CDK8: variants seen among roughly 807,000 people sequenced by gnomAD.
The protein encoded by CDK8 is cyclin dependent kinase 8, also known as cyclin-dependent kinase 8.
Under a neutral mutation model 71.5 loss-of-function variants are expected in CDK8, and 29 were observed. The observed-to-expected ratio is 0.41, with a 90% CI of 0.30 to 0.55. The LOEUF (loss-of-function observed/expected upper bound fraction) is 0.55. Ranked by LOEUF, CDK8 falls within the 20% of genes least tolerant of loss-of-function variation. CDK8 has a pLI of 0.37. For missense variants in CDK8, 288 were observed against 572.6 expected (o/e 0.50, Z 5.07); for synonymous variants, 161 against 192.1 (o/e 0.84, Z 1.34).
At chr13:26,385,471 A>G in intron 6 of CDK8, 129 bp downstream of exon 6, 1 of 701,102 alleles carries the variant, frequency 1.4e-6, no homozygotes, top group Non-Finnish European at 2.2e-6. Context: ...GTGATGGCTC[A>G]TGCCTGTAAT....
intron 1 of CDK8, among the ~76,000 whole-genome samples, chr13:26,318,264 A>G (rs943010617): frequency 5.9e-5 from 9 of 152,160 alleles, no homozygotes; most frequent in East Asian, 1.9e-4. Flanking sequence ...CTGACTAGAC[A>G]TACAACTAAG....
intron 2 of CDK8, among the ~76,000 whole-genome samples, chr13:26,347,315 A>G (rs997174906): frequency 6.6e-6 from 1 of 152,184 alleles, no homozygotes; most frequent in Admixed American, 6.5e-5. Context: ...TATGTAATTT[A>G]AATGCCTGAA....
chr13:26,368,484 CACT>C (rs1467817367), intron 4 of CDK8, among the ~76,000 whole-genome samples: 2 of 152,094 alleles, frequency 1.3e-5, no homozygotes, highest in Non-Finnish European at 2.9e-5. Context: ...TTTTATGTAC[CACT>C]AAGAAAGAAA....
intron 2 of CDK8, among the ~76,000 whole-genome samples, chr13:26,338,868 C>T (rs1873103172): frequency 6.6e-6 from 1 of 152,072 alleles, no homozygotes; most frequent in Admixed American, 6.6e-5. Flanking sequence ...GTTCTCTGAT[C>T]TTGCACTGGG....
At chr13:26,373,428 G>A (rs933708447) in intron 4 of CDK8, among the ~76,000 whole-genome samples, 1 of 151,870 alleles carries the variant, frequency 6.6e-6, no homozygotes, top group Non-Finnish European at 1.5e-5. Context: ...TTTCTAGAAA[G>A]CAAGAATTAT....
Position 26,254,592 on chromosome 13 carries a change from C to G in CDK8, c.-50C>G. ...TGCCCGTGCTTCCCCGGTCCCCACC[C>G]CTGCCCCCCGGCCCCCCGACCCAGC... On this transcript the variant is annotated 5_prime_UTR_variant, in exon 1 of 13. Transcript: ENST00000381527. The surrounding 1 kb of genome is among the most constrained non-coding windows in gnomAD (Gnocchi z 6.7). 1 of 1,228,854 alleles carries G rather than the reference C, an allele frequency of 8.1e-7. No homozygotes were observed. The highest frequency in any genetic ancestry group is 2.0e-5 in the Admixed American group (1 of 49,156). 76.1% of individuals were successfully genotyped at this position (1,228,854 alleles called of 1,614,324 possible).
At chr13:26,364,906 G>A (rs1874312830) in intron 4 of CDK8, among the ~76,000 whole-genome samples, 1 of 152,128 alleles carries the variant, frequency 6.6e-6, no homozygotes. Context: ...GGGAAAGAGA[G>A]GAGTCTGCAT....
intron 4 of CDK8, among the ~76,000 whole-genome samples, chr13:26,376,826 A>T (rs1035960638): frequency 2.6e-5 from 4 of 152,352 alleles, no homozygotes; most frequent in Middle Eastern, 3.4e-3. Context: ...GGTTTTAAGG[A>T]TACTAATTTA....
chr13:26,311,135 A>G (rs562383254), intron 1 of CDK8, among the ~76,000 whole-genome samples: 1 of 151,112 alleles, frequency 6.6e-6, no homozygotes, highest in Non-Finnish European at 1.5e-5. Context: ...GTAGCTGTGC[A>G]TTAAAAATGT....
Position 26,403,987 on chromosome 13 carries a change from C to T in CDK8, c.1301C>T (p.Pro434Leu). Reference sequence around the variant, plus strand: ...AATCCACATGCTGCCTATCCCAACCCTGGACCAAGCACATCACAGCCGCAG... The same window carrying T: ...AATCCACATGCTGCCTATCCCAACCTTGGACCAAGCACATCACAGCCGCAG... ...RSNPHAAYPN[P>L]GPSTSQPQSS... Residue 434 changes from proline to leucine, a missense_variant, in exon 13 of 13, where the codon CCT becomes CTT. By Grantham distance (98) the Pro-to-Leu change is moderately conservative. Transcript: ENST00000381527. 1 of 1,613,664 alleles carries T rather than the reference C, an allele frequency of 6.2e-7. No homozygotes were observed. The highest frequency in any genetic ancestry group is 1.6e-4 in the Middle Eastern group (1 of 6,062).
intron 2 of CDK8, 86 bp from the exon 3 acceptor site, chr13:26,348,986 G>A: frequency 1.2e-6 from 1 of 819,530 alleles, no homozygotes. Context: ...CTGTGGGTTT[G>A]TATTGCCTTT....
intron 1 of CDK8, among the ~76,000 whole-genome samples, chr13:26,274,632 G>A (rs923068965): frequency 9.9e-5 from 15 of 151,896 alleles, no homozygotes; most frequent in African/African-American, 3.1e-4. Flanking sequence ...GGGGTTTCAC[G>A]ATGTTAGCCA....
chr13:26,290,343 A>G (rs377378260), intron 1 of CDK8, among the ~76,000 whole-genome samples: 12 of 152,370 alleles, frequency 7.9e-5, no homozygotes, highest in African/African-American at 2.9e-4. Context: ...CTGTCATGCC[A>G]GGAATTTAAG....
At chr13:26,263,854 C>G (rs1365190245) in intron 1 of CDK8, among the ~76,000 whole-genome samples, 1 of 151,682 alleles carries the variant, frequency 6.6e-6, no homozygotes, top group Non-Finnish European at 1.5e-5. Context: ...TCACGCCATT[C>G]TCCTGCCTCA....
chr13:26,307,205 G>A (rs2137925077), intron 1 of CDK8, among the ~76,000 whole-genome samples: 1 of 152,192 alleles, frequency 6.6e-6, no homozygotes, highest in Non-Finnish European at 1.5e-5. Context: ...TGTGGCAAGG[G>A]GATATTAAAG....
intron 4 of CDK8, 113 bp downstream of exon 4, chr13:26,353,993 G>A: frequency 2.3e-6 from 2 of 863,690 alleles, no homozygotes; most frequent in Non-Finnish European, 3.8e-6. Flanking sequence ...TATAGAAGTA[G>A]TGAGAATGCT....
At chr13:26,385,452 A>C in intron 6 of CDK8, 110 bp downstream of exon 6, 1 of 913,520 alleles carries the variant, frequency 1.1e-6, no homozygotes, top group Non-Finnish European at 1.6e-6. Context: ...AAGTAAGAGC[A>C]GACTGAGTGT....
chr13:26,397,111 C>T, intron 8 of CDK8, 42 bp from the exon 9 acceptor site: 3 of 1,136,088 alleles, frequency 2.6e-6, no homozygotes, highest in Non-Finnish European at 4.0e-6. Context: ...GTACAATTAA[C>T]CTCAAGTCTA....
At chr13:26,387,360 A>G (rs1875528540) in intron 6 of CDK8, among the ~76,000 whole-genome samples, 1 of 152,210 alleles carries the variant, frequency 6.6e-6, no homozygotes, top group African/African-American at 2.4e-5. Context: ...GTATTTAAAA[A>G]TCAGGTTACT....
Sources: gnomAD v4.1 joint callset for allele counts (sites outside exome capture counted in the v4.1 genomes callset) on GRCh38, gnomAD v4.1.1 for gene constraint, Gnocchi (gnomAD v3.1) non-coding constraint, MANE v1.5 for transcripts, NCBI Gene and HGNC (gene_info 2026-07-23, HGNC 2026-07-21) for gene names.